Variants in CLVS1 observed in about 807,000 individuals in gnomAD.
The protein encoded by CLVS1 is clavesin-1.
Under a neutral mutation model 33.1 loss-of-function variants are expected in CLVS1, and 10 were observed. That is an observed-to-expected ratio of 0.30 (90% CI 0.19 to 0.51). The LOEUF is 0.51. CLVS1 is among the 20% of genes least tolerant of loss of function. CLVS1 has a pLI of 0.97. For missense variants in CLVS1, 343 were observed against 433.4 expected, an observed-to-expected ratio of 0.79 and a Z score of 1.85; for synonymous variants, 163 against 166.1, an observed-to-expected ratio of 0.98 and a Z score of 0.14.
chr8:61,204,722 G>A (rs1807804813), intron 2 of CLVS1, among the ~76,000 whole-genome samples: 1 of 152,188 alleles, frequency 6.6e-6, no homozygotes. Context: ...TGGGAATCCA[G>A]CTTCATTAAG....
At chr8:61,417,535 G>A (rs1184564355) in intron 3 of CLVS1, among the ~76,000 whole-genome samples, 1 of 152,106 alleles carries the variant, frequency 6.6e-6, no homozygotes, top group Non-Finnish European at 1.5e-5. Flanking sequence ...ACCACTGTGG[G>A]ATGTCACCAC....
chr8:61,445,243 T>C (rs1297548970), intron 3 of CLVS1, among the ~76,000 whole-genome samples: 1 of 152,226 alleles, frequency 6.6e-6, no homozygotes, highest in East Asian at 1.9e-4. Context: ...GATATTGATC[T>C]ATAATTTTAT....
chr8:61,044,962 G>A, the CLVS1 span, among the ~76,000 whole-genome samples: 1 of 152,194 alleles, frequency 6.6e-6, no homozygotes, highest in Non-Finnish European at 1.5e-5. Flanking sequence ...AGCCACTGCA[G>A]CAAAAGTACA....
At chr8:61,309,520 A>G (rs988116179) in intron 2 of CLVS1, among the ~76,000 whole-genome samples, 2 of 152,144 alleles carry the variant, frequency 1.3e-5, no homozygotes, top group African/African-American at 4.8e-5. Context: ...CACGATTGTG[A>G]ACATGAAGAC....
At chr8:61,184,914 AC>A (rs1297667819) in intron 2 of CLVS1, among the ~76,000 whole-genome samples, 1 of 152,216 alleles carries the variant, frequency 6.6e-6, no homozygotes, top group Non-Finnish European at 1.5e-5. Context: ...TGCATTCATA[AC>A]ATATAATTTT....
the CLVS1 span, among the ~76,000 whole-genome samples, chr8:61,048,290 T>C: frequency 6.6e-6 from 1 of 152,196 alleles, no homozygotes; most frequent in Admixed American, 6.5e-5. Flanking sequence ...TAACTATCAG[T>C]GATGGCCTTG....
At chr8:61,011,609 T>C in the CLVS1 span, among the ~76,000 whole-genome samples, 3,774 of 152,016 alleles carry the variant, frequency 0.025, 169 homozygotes, top group African/African-American at 0.085. Flanking sequence ...CCACCACACT[T>C]GGCTAATTTT....
intron 3 of CLVS1, among the ~76,000 whole-genome samples, chr8:61,424,470 T>A (rs1585953551): frequency 6.6e-6 from 1 of 152,374 alleles, no homozygotes; most frequent in East Asian, 1.9e-4. Flanking sequence ...AATTTGCAGA[T>A]AATTTATTAC....
intron 2 of CLVS1, among the ~76,000 whole-genome samples, chr8:61,176,975 A>C (rs925833367): frequency 1.3e-5 from 2 of 152,082 alleles, no homozygotes; most frequent in African/African-American, 4.8e-5. Context: ...ACCACAGCCC[A>C]GCTGCCTGCT....
At chr8:60,983,748 G>A in the CLVS1 span, among the ~76,000 whole-genome samples, 13 of 152,268 alleles carry the variant, frequency 8.5e-5, 1 homozygote, top group African/African-American at 2.2e-4. Context: ...CTGCTGTTAC[G>A]TAATTGTGCA....
intron 3 of CLVS1, among the ~76,000 whole-genome samples, chr8:61,452,974 G>A (rs893435552): frequency 2.0e-5 from 3 of 150,136 alleles, no homozygotes; most frequent in African/African-American, 7.3e-5. Flanking sequence ...TTTTTTCCTT[G>A]TTACTAAAAA....
intron 2 of CLVS1, among the ~76,000 whole-genome samples, chr8:61,310,720 CT>C (rs1381417844): frequency 2.0e-5 from 3 of 152,314 alleles, no homozygotes; most frequent in Admixed American, 2.0e-4. Context: ...ACAAAAACAA[CT>C]TTGATTTTTC....
At chr8:61,085,322 A>T (rs1805097666) in intron 1 of CLVS1, among the ~76,000 whole-genome samples, 1 of 152,190 alleles carries the variant, frequency 6.6e-6, no homozygotes, top group Non-Finnish European at 1.5e-5. Flanking sequence ...GTCCCAAAAC[A>T]TGTAAGTAGG....
At chr8:61,097,480 T>TA (rs1805374431) in intron 1 of CLVS1, among the ~76,000 whole-genome samples, 4 of 152,212 alleles carry the variant, frequency 2.6e-5, no homozygotes, top group African/African-American at 7.2e-5. Flanking sequence ...GCTGTTTCAC[T>TA]CGTGAGAGTT....
intron 2 of CLVS1, among the ~76,000 whole-genome samples, chr8:61,179,539 A>G (rs972206238): frequency 1.3e-5 from 2 of 152,244 alleles, no homozygotes; most frequent in African/African-American, 4.8e-5. Context: ...GAGAATATAC[A>G]TTCTTCTCAG....
At chr8:61,353,869 A>T (rs1812576697) in intron 2 of CLVS1, among the ~76,000 whole-genome samples, 1 of 152,096 alleles carries the variant, frequency 6.6e-6, no homozygotes, top group Admixed American at 6.6e-5. Context: ...AAAGAGAGAA[A>T]ACACAAATTA....
chr8:61,226,013 T>C (rs1456354848), intron 2 of CLVS1, among the ~76,000 whole-genome samples: 1 of 152,250 alleles, frequency 6.6e-6, no homozygotes, highest in Non-Finnish European at 1.5e-5. Context: ...AATGTTACCA[T>C]GGCAAAGTCA....
chr8:60,975,052 G>A, the CLVS1 span, among the ~76,000 whole-genome samples: 1 of 152,130 alleles, frequency 6.6e-6, no homozygotes, highest in Non-Finnish European at 1.5e-5. Flanking sequence ...TGAGAACCAT[G>A]GATCATAGGG....
chr8:61,182,089 C>A (rs1807250090), intron 2 of CLVS1, among the ~76,000 whole-genome samples: 1 of 152,120 alleles, frequency 6.6e-6, no homozygotes, highest in Non-Finnish European at 1.5e-5. Flanking sequence ...GAAATGATTC[C>A]CTTTTTAATA....
Sources: allele counts gnomAD v4.1 joint callset (sites outside exome capture counted in the v4.1 genomes callset), GRCh38; gene constraint gnomAD v4.1.1; transcripts MANE v1.5; gene names NCBI Gene and HGNC (gene_info 2026-07-23, HGNC 2026-07-21).